The following ACACA variants were observed in gnomAD, a reference collection of about 807,000 sequenced individuals.
ACACA encodes acetyl-CoA carboxylase alpha.
ACACA carries 103 observed loss-of-function variants against 296.1 expected under a neutral mutation model. The ratio of observed to expected loss-of-function variants is 0.35; its 90% CI spans 0.30 to 0.41. The LOEUF (loss-of-function observed/expected upper bound fraction) is 0.41. Ranked by LOEUF, ACACA falls within the 10% of genes least tolerant of loss-of-function variation. The pLI, the probability that ACACA is intolerant of heterozygous loss-of-function variation, is 1.00. For missense variants in ACACA, 1,554 were observed against 2,989.7 expected, an observed-to-expected ratio of 0.52 and a Z score of 11.20; for synonymous variants, 953 against 1,038.6, an observed-to-expected ratio of 0.92 and a Z score of 1.58.
chr17:37,193,925 T>C (rs577835081), intron 35 of ACACA, among the ~76,000 whole-genome samples: 1 of 152,252 alleles, frequency 6.6e-6, no homozygotes, highest in African/African-American at 2.4e-5. Context: ...CATTTGAAGA[T>C]GAAGAAAAAT....
At chr17:37,364,616 A>C (rs1051051255) in intron 1 of ACACA, among the ~76,000 whole-genome samples, 1 of 61,658 alleles carries the variant, frequency 1.6e-5, no homozygotes, top group Non-Finnish European at 2.8e-5. Context: ...GAAAAAGAAA[A>C]GAAAATAGAA....
At chr17:37,192,397 G>A in intron 36 of ACACA, 92 bp from the exon 37 acceptor site, 1 of 1,204,436 alleles carries the variant, frequency 8.3e-7, no homozygotes, top group Non-Finnish European at 1.2e-6. Flanking sequence ...CCTGAAAATA[G>A]AAACATAAGC....
At chr17:37,330,115 A>T (rs1212826651) in intron 3 of ACACA, 58 bp downstream of exon 3, 13 of 1,604,944 alleles carry the variant, frequency 8.1e-6, no homozygotes. Context: ...TTTTCAGAAC[A>T]TAATCAGCAA....
intron 20 of ACACA, 143 bp downstream of exon 20, chr17:37,244,937 A>G: frequency 7.4e-7 from 1 of 1,359,714 alleles, no homozygotes; most frequent in Non-Finnish European, 1.1e-6. Context: ...ATAATACTAC[A>G]GGCACAAATA....
At chr17:37,190,731 G>A (rs2077719482) in intron 38 of ACACA, among the ~76,000 whole-genome samples, 1 of 152,158 alleles carries the variant, frequency 6.6e-6, no homozygotes, top group Non-Finnish European at 1.5e-5. Flanking sequence ...CACAGAAGCA[G>A]TAATTTAGCC....
At chr17:37,323,272 A>G (rs535168366) in intron 3 of ACACA, among the ~76,000 whole-genome samples, 10 of 152,238 alleles carry the variant, frequency 6.6e-5, no homozygotes, top group Non-Finnish European at 1.3e-4. Flanking sequence ...CCTGCAAGGG[A>G]GATGAGGGAA....
Position 37,234,877 on chromosome 17 carries a change from G to A in ACACA, c.3246+98C>T, listed in dbSNP as rs933402720. On this transcript the variant is annotated intron_variant, in intron 25 of 55. Transcript: ENST00000616317. ...CCCATTCATCCCATAATTATAAAAG[G>A]CAGTAGTTTTTTTTCTCTGGCCATA... The A allele has an allele frequency of 3.0e-6, 4 of 1,334,248 alleles. No homozygotes were observed. In the Admixed American group the frequency reaches 7.1e-5, roughly 24 times the overall value. The allele number at this position is 1,334,248 out of a possible 1,614,324, so 82.7% of individuals were successfully genotyped here.
intron 24 of ACACA, among the ~76,000 whole-genome samples, chr17:37,236,890 C>T (rs374955324): frequency 6.6e-6 from 1 of 152,014 alleles, no homozygotes; most frequent in Non-Finnish European, 1.5e-5. Context: ...AATATATATA[C>T]AGAAGAATAT....
intron 54 of ACACA, among the ~76,000 whole-genome samples, chr17:37,091,748 CT>C (rs36012737): frequency 6.6e-6 from 1 of 151,706 alleles, no homozygotes; most frequent in Non-Finnish European, 1.5e-5. Flanking sequence ...CCTGGCAAAA[CT>C]TTTTTTGGTA....
chr17:37,262,932 A>G (rs2081581104), intron 11 of ACACA, among the ~76,000 whole-genome samples: 2 of 151,928 alleles, frequency 1.3e-5, no homozygotes, highest in African/African-American at 4.8e-5. Context: ...GTTTCACCAT[A>G]TTGCCCAGGC....
In ACACA at chr17:37,283,330, G is replaced by A. The variant is rs111441513; in HGVS notation, c.547C>T (p.Arg183Ter). The change falls in exon 5 of 56, where the codon CGA becomes TGA. Residue 183 changes from arginine (R) to a stop codon, truncating the protein, a stop_gained. Transcript: ENST00000616317. LOFTEE classifies it high-confidence loss of function. The part of the protein sequence containing the change: ...SIRRWSYEMF[R>*]NERAIRFVVM... The stretch of plus-strand genomic sequence containing the variant: ...ACGAATCTAATTGCACGTTCATTTC[G>A]AAACATTTCATAAGACCACCTACGG... The A allele has an allele frequency of 1.9e-6, 3 of 1,614,040 alleles. No individual in the cohort carries two copies. Among genetic ancestry groups the A allele is most frequent in the Non-Finnish European group, 1.7e-6 (2 of 1,179,990 alleles).
chr17:37,112,191 C>T (rs1305324229), intron 51 of ACACA, among the ~76,000 whole-genome samples: 1 of 152,080 alleles, frequency 6.6e-6, no homozygotes, highest in African/African-American at 2.4e-5. Flanking sequence ...TGGAAATGAG[C>T]AGAGTCAAAG....
intron 29 of ACACA, among the ~76,000 whole-genome samples, chr17:37,217,810 G>A (rs1457699050): frequency 2.0e-5 from 3 of 149,610 alleles, no homozygotes; most frequent in Non-Finnish European, 3.0e-5. Context: ...ACTAGGTATG[G>A]TGGCACATGC....
intron 1 of ACACA, chr17:37,379,309 C>T (rs556133337): frequency 1.1e-5 from 18 of 1,613,886 alleles, no homozygotes; most frequent in Non-Finnish European, 1.5e-5. Flanking sequence ...CCCGCAGAAA[C>T]AGCTCTGCCT....
At chr17:37,164,074 A>C (rs1404294491) in intron 41 of ACACA, among the ~76,000 whole-genome samples, 47 of 91,378 alleles carry the variant, frequency 5.1e-4, no homozygotes, top group South Asian at 1.7e-3. Context: ...TCTGTCTCTC[A>C]CCCCCCTCCT....
At chr17:37,271,213 C>G (rs2082051748) in intron 9 of ACACA, among the ~76,000 whole-genome samples, 1 of 152,136 alleles carries the variant, frequency 6.6e-6, no homozygotes, top group Non-Finnish European at 1.5e-5. Flanking sequence ...TACATACCAG[C>G]AATGATTTAG....
intron 52 of ACACA, 142 bp downstream of exon 52, chr17:37,111,389 T>A: frequency 1.3e-6 from 1 of 741,300 alleles, no homozygotes; most frequent in Middle Eastern, 2.6e-4. Context: ...CTACCAGGGT[T>A]CTTACCATAT....
rs1019398644 is a variant in ACACA at position 37,188,450 on chromosome 17, G to A, written c.4603C>T (p.Arg1535Trp). 1.9e-6 allele frequency: 3 copies of A among 1,613,138 alleles called. No individual in the cohort carries two copies. The highest frequency in any genetic ancestry group is 2.5e-6 in the Non-Finnish European group (3 of 1,179,994). Residue 1535 changes from arginine to tryptophan, a missense_variant, in exon 39 of 56, where the codon CGG becomes TGG. This residue lies in a region of ACACA where 35 missense variants were observed against 131.8 expected (regional missense o/e 0.27). Coordinates refer to ENST00000616317, the MANE Select transcript of ACACA (RefSeq NM_198834.3). ...IEESVRSMVM[R>W]YGSRLWKLRV... The stretch of plus-strand genomic sequence containing the variant: ...AATTTCCACAGGCGACTTCCATACC[G>A]CATTACCATGCTCCGCACGGATTCC...
At chr17:37,305,904 G>GTTTTTTTTTTTTTT (rs200591761) in intron 3 of ACACA, among the ~76,000 whole-genome samples, 6 of 95,828 alleles carry the variant, frequency 6.3e-5, no homozygotes, top group Non-Finnish European at 6.6e-5. Flanking sequence ...TTTTTTTTTT[G>GTTTTTTTTTTTTTT]TTTTTTTTTT....
Sources: gnomAD v4.1 joint callset for allele counts (sites outside exome capture counted in the v4.1 genomes callset) on GRCh38, gnomAD v4.1.1 for gene constraint, gnomAD v4.1.1 regional missense constraint, MANE v1.5 for transcripts, NCBI Gene and HGNC (gene_info 2026-07-23, HGNC 2026-07-21) for gene names.